TMTC1: variants seen among roughly 807,000 people sequenced by gnomAD.
TMTC1 encodes protein O-mannosyl-transferase TMTC1.
In TMTC1, 73 loss-of-function variants were observed where a neutral mutation model predicts 104.8. The ratio of observed to expected loss-of-function variants is 0.70; its 90% CI spans 0.58 to 0.85. The LOEUF is 0.85. TMTC1 is among the 40% of genes least tolerant of loss of function. TMTC1 has a pLI of 0.00. For synonymous variants in TMTC1, 434 were observed against 428.7 expected (o/e 1.01, Z -0.15); for missense variants, 1,035 against 1,096.1 (o/e 0.94, Z 0.79).
At chr12:29,575,859 C>A (rs2136310290) in intron 8 of TMTC1, among the ~76,000 whole-genome samples, 1 of 152,312 alleles carries the variant, frequency 6.6e-6, no homozygotes, top group Non-Finnish European at 1.5e-5. Flanking sequence ...TACATTCCCA[C>A]CAACAATGTA....
At chr12:29,671,505 T>C (rs939830086) in intron 5 of TMTC1, among the ~76,000 whole-genome samples, 1 of 152,176 alleles carries the variant, frequency 6.6e-6, no homozygotes, top group Non-Finnish European at 1.5e-5. Flanking sequence ...AGAGAAAATG[T>C]ATTGAGTGCA....
chr12:29,605,269 A>C (rs1946668142), intron 6 of TMTC1, among the ~76,000 whole-genome samples: 1 of 152,072 alleles, frequency 6.6e-6, no homozygotes. Flanking sequence ...CATAAATGTA[A>C]ATAAAACTCC....
At position 29,625,484 on chromosome 12, in the gene TMTC1, T is replaced by C. The variant is rs139996289; in HGVS notation, c.1128+7663A>G. Reference sequence around the variant, plus strand: ...AAGAAGAAAACCTGGAGAGTGTAAGTGGCCAAGAATTGCCAGAGGCTCTAG... The same window carrying C: ...AAGAAGAAAACCTGGAGAGTGTAAGCGGCCAAGAATTGCCAGAGGCTCTAG... On this transcript the variant is annotated intron_variant, in intron 6 of 17. Coordinates refer to ENST00000539277, the MANE Select transcript of TMTC1 (RefSeq NM_001193451.2). Among the ~76,000 whole-genome samples the C allele has an allele frequency of 7.2e-5, 11 of 152,332 alleles. No individual in the cohort carries two copies. In the East Asian group the frequency reaches 1.9e-3, roughly 27 times the overall value.
In TMTC1 at chr12:29,783,503, C is replaced by T; in HGVS notation, c.249G>A (p.Met83Ile). 7.0e-7 allele frequency: 1 copy of T among 1,423,994 alleles called. No homozygotes were observed. Among genetic ancestry groups the T allele is most frequent in the Non-Finnish European group, 9.2e-7 (1 of 1,085,180 alleles). 88.2% of individuals were successfully genotyped at this position (1,423,994 alleles called of 1,614,324 possible). A position where few individuals can be genotyped will look rare whatever the true frequency, so the allele number is the denominator to read the frequency against. Residue 83 changes from methionine (M) to isoleucine (I), a missense_variant, in exon 1 of 18, where the codon ATG (methionine) becomes ATA (isoleucine). Met to Ile is a conservative substitution (Grantham distance 10). Coordinates refer to ENST00000539277, the MANE Select transcript of TMTC1 (RefSeq NM_001193451.2). The surrounding 1 kb of genome is among the most constrained non-coding windows in gnomAD (Gnocchi z 4.7). ...IFTNDFWGKGMAENTSHKSYR... is the reference protein window; with the variant it reads ...IFTNDFWGKGIAENTSHKSYR... ...AGGACTTGTGGCTGGTGTTCTCGGC[C>T]ATGCCCTTGCCCCAGAAGTCGTTGG...
intron 5 of TMTC1, among the ~76,000 whole-genome samples, chr12:29,718,119 A>C (rs886113605): frequency 2.0e-5 from 3 of 152,210 alleles, no homozygotes; most frequent in African/African-American, 7.2e-5. Flanking sequence ...CAAACAAACA[A>C]AAAATCCCAC....
intron 5 of TMTC1, among the ~76,000 whole-genome samples, chr12:29,663,509 G>A (rs1260974162): frequency 2.0e-5 from 3 of 151,872 alleles, no homozygotes; most frequent in African/African-American, 7.3e-5. Context: ...GATATTTTTA[G>A]GTAAATTTTC....
chr12:29,724,436 A>G (rs1942326044), intron 5 of TMTC1, among the ~76,000 whole-genome samples: 1 of 152,228 alleles, frequency 6.6e-6, no homozygotes, highest in African/African-American at 2.4e-5. Context: ...CATATATATG[A>G]GAAATGTAAA....
At chr12:29,720,786 C>T (rs1473445640) in intron 5 of TMTC1, among the ~76,000 whole-genome samples, 2 of 151,880 alleles carry the variant, frequency 1.3e-5, no homozygotes, top group Non-Finnish European at 2.9e-5. Context: ...GGCAAGAAGC[C>T]CATTCCACAG....
intron 3 of TMTC1, among the ~76,000 whole-genome samples, chr12:29,757,963 G>A (rs899924612): frequency 2.0e-5 from 3 of 152,166 alleles, no homozygotes; most frequent in Admixed American, 6.5e-5. Context: ...AATTGTGGGA[G>A]TTACAATTCA....
intron 5 of TMTC1, among the ~76,000 whole-genome samples, chr12:29,705,382 C>T (rs1190975986): frequency 6.6e-6 from 1 of 152,202 alleles, no homozygotes; most frequent in Non-Finnish European, 1.5e-5. Context: ...ACAGGAAAAG[C>T]TCTGAAAACA....
intron 5 of TMTC1, among the ~76,000 whole-genome samples, chr12:29,641,502 A>C (rs1339978554): frequency 6.6e-6 from 1 of 152,198 alleles, no homozygotes; most frequent in Non-Finnish European, 1.5e-5. Flanking sequence ...TAATCACTGC[A>C]GTTTGGCTCA....
At chr12:29,710,955 T>G (rs1315027146) in intron 5 of TMTC1, among the ~76,000 whole-genome samples, 38 of 65,794 alleles carry the variant, frequency 5.8e-4, no homozygotes, top group African/African-American at 1.4e-3. Context: ...AATATATATA[T>G]AAATATATTA....
intron 5 of TMTC1, among the ~76,000 whole-genome samples, chr12:29,637,878 A>C (rs1332351528): frequency 6.6e-6 from 1 of 152,212 alleles, no homozygotes; most frequent in African/African-American, 2.4e-5. Context: ...GTTATTGCTC[A>C]TAGGATCTTT....
chr12:29,528,466 G>A (rs562075836), intron 11 of TMTC1, among the ~76,000 whole-genome samples: 1 of 152,136 alleles, frequency 6.6e-6, no homozygotes. Flanking sequence ...TTTCAGTGGT[G>A]TGGAAATAAA....
chr12:29,572,246 T>G (rs1160445204), intron 8 of TMTC1, 28 bp from the exon 9 acceptor site: 2 of 1,526,650 alleles, frequency 1.3e-6, no homozygotes, highest in Non-Finnish European at 1.8e-6. Flanking sequence ...TTAAAAAGAA[T>G]TATTTGACAA....
rs1943654264 is a variant in TMTC1, at chr12:29,504,291, G to A, written c.*2555C>T. 6.7e-6 allele frequency: 1 copy of A among 150,334 alleles called. No homozygotes were observed. The highest frequency in any genetic ancestry group is 2.1e-4 in the South Asian group (1 of 4,726). 9.3% of individuals were successfully genotyped at this position (150,334 alleles called of 1,614,324 possible). A position where few individuals can be genotyped will look rare whatever the true frequency, so the allele number is the denominator to read the frequency against. On this transcript the variant is annotated 3_prime_UTR_variant, in exon 18 of 18. Coordinates refer to ENST00000539277, the MANE Select transcript of TMTC1 (RefSeq NM_001193451.2). ...AGATGCACCTCTATGATGAACCAGGGCACTCCATTTTTATTATAAAGGTAA... is the reference window on the plus strand; with the variant it reads ...AGATGCACCTCTATGATGAACCAGGACACTCCATTTTTATTATAAAGGTAA...
At chr12:29,683,024 A>G (rs983497903) in intron 5 of TMTC1, among the ~76,000 whole-genome samples, 7 of 152,338 alleles carry the variant, frequency 4.6e-5, no homozygotes, top group African/African-American at 1.7e-4. Flanking sequence ...CATCTGTGTT[A>G]TAAAATAAAC....
chr12:29,767,363 T>C (rs888821600), intron 2 of TMTC1, among the ~76,000 whole-genome samples: 10 of 152,230 alleles, frequency 6.6e-5, no homozygotes, highest in African/African-American at 2.4e-4. Context: ...ACTTGAAGAA[T>C]GTCAGTCTAA....
chr12:29,568,862 A>G, intron 9 of TMTC1: 1 of 455,070 alleles, frequency 2.2e-6, no homozygotes, highest in Non-Finnish European at 4.4e-6. Flanking sequence ...CCCATCACAC[A>G]AGGTAGAATG....
Sources: allele counts gnomAD v4.1 joint callset (sites outside exome capture counted in the v4.1 genomes callset), GRCh38; gene constraint gnomAD v4.1.1; non-coding constraint Gnocchi (gnomAD v3.1); transcripts MANE v1.5; gene names NCBI Gene and HGNC (gene_info 2026-07-23, HGNC 2026-07-21).